Variants in DDAH1 observed in about 807,000 individuals in gnomAD.
The protein encoded by DDAH1 is dimethylarginine dimethylaminohydrolase 1.
A neutral mutation model predicts 28.8 loss-of-function variants in DDAH1; 19 were observed. The observed-to-expected ratio is 0.66, with a 90% CI of 0.46 to 0.97. The LOEUF (loss-of-function observed/expected upper bound fraction) is 0.97. Among genes scored for constraint, DDAH1 ranks in the 50% least tolerant of loss-of-function variants. DDAH1 has a pLI of 0.00. For missense variants in DDAH1, 326 were observed against 375.9 expected (o/e 0.87, Z 1.10); for synonymous variants, 153 against 154.4 (o/e 0.99, Z 0.07).
intron 4 of DDAH1, among the ~76,000 whole-genome samples, chr1:85,346,846 A>C (rs1648878774): frequency 6.6e-6 from 1 of 152,222 alleles, no homozygotes; most frequent in South Asian, 2.1e-4. Flanking sequence ...GAATGGGAGA[A>C]AATTTTTGCA....
At chr1:85,348,880 A>G (rs1649025411) in intron 4 of DDAH1, among the ~76,000 whole-genome samples, 1 of 152,220 alleles carries the variant, frequency 6.6e-6, no homozygotes, top group Non-Finnish European at 1.5e-5. Flanking sequence ...TCTACCCAGA[A>G]TGGCAGAAGG....
At chr1:85,391,837 GC>G (rs2100556042) in intron 1 of DDAH1, among the ~76,000 whole-genome samples, 1 of 152,280 alleles carries the variant, frequency 6.6e-6, no homozygotes, top group African/African-American at 2.4e-5. Flanking sequence ...AAAAGAGACT[GC>G]CCCAAATATT....
Position 85,530,225 on chromosome 1 carries a change from A to C in DDAH1, c.-122-33944T>G, listed in dbSNP as rs555327926. On this transcript the variant is annotated intron_variant, in intron 1 of 6. Transcript: ENST00000426972. Reference sequence around the variant, plus strand: ...GTCCAAAGTATATAGTAAGCGTTCCATAAATATTTGCTCAGTGGAGGTACA... The same window carrying C: ...GTCCAAAGTATATAGTAAGCGTTCCCTAAATATTTGCTCAGTGGAGGTACA... Among the ~76,000 whole-genome samples, 376 of 152,352 alleles carry C rather than the reference A, an allele frequency of 2.5e-3. 1 individual carries two copies. Among genetic ancestry groups the C allele is most frequent in the African/African-American group, 8.5e-3 (355 of 41,582 alleles).
chr1:85,475,241 A>G (rs1473617301), intron 2 of DDAH1, among the ~76,000 whole-genome samples: 1 of 152,230 alleles, frequency 6.6e-6, no homozygotes, highest in African/African-American at 2.4e-5. Context: ...ATGAAGATTA[A>G]TGAGATGATC....
chr1:85,464,970 C>T lies in DDAH1; in HGVS notation c.76G>A (p.Gly26Ser). ...TTGGCGCTTCTCAGCGCGTGCTGGC[C>T]GAGCGACTCGGGTAGCGCCCGCACC... Reference protein sequence around the residue: ...AVVRALPESLGQHALRSAKGE... With the variant: ...AVVRALPESLSQHALRSAKGE... The change falls in exon 1 of 6, where the codon GGC becomes AGC. Residue 26 changes from glycine (G) to serine (S), a missense_variant. Coordinates refer to ENST00000284031, the MANE Select transcript of DDAH1 (RefSeq NM_012137.4). The surrounding 1 kb of genome is among the most constrained non-coding windows in gnomAD (Gnocchi z 4.4). 1.4e-6 allele frequency: 2 copies of T among 1,473,082 alleles called. No homozygotes were observed. The allele number at this position is 1,473,082 out of a possible 1,614,324, so 91.3% of individuals were successfully genotyped here. A position where few individuals can be genotyped will look rare whatever the true frequency, so the allele number is the denominator to read the frequency against.
intron 4 of DDAH1, among the ~76,000 whole-genome samples, chr1:85,347,347 C>A (rs1648917660): frequency 6.6e-6 from 1 of 152,170 alleles, no homozygotes; most frequent in African/African-American, 2.4e-5. Context: ...TTCACAATAG[C>A]AAAGACTTGG....
chr1:85,334,376 A>G (rs1647979545), intron 4 of DDAH1, among the ~76,000 whole-genome samples: 2 of 152,196 alleles, frequency 1.3e-5, no homozygotes, highest in South Asian at 4.1e-4. Flanking sequence ...ATACAGTGTA[A>G]AAAGTCAAAG....
intron 2 of DDAH1, among the ~76,000 whole-genome samples, chr1:85,356,856 T>C (rs1485743842): frequency 1.3e-5 from 2 of 152,194 alleles, no homozygotes; most frequent in Admixed American, 6.5e-5. Context: ...CTAGTGTAAG[T>C]TGCACTTTCA....
At chr1:85,373,824 G>A (rs233053) in intron 1 of DDAH1, among the ~76,000 whole-genome samples, 56,739 of 151,800 alleles carry the variant, frequency 0.37, 10,672 homozygotes, top group South Asian at 0.43. Flanking sequence ...CAAAAAACTA[G>A]GATTGCAACT....
intron 1 of DDAH1, among the ~76,000 whole-genome samples, chr1:85,403,115 A>G (rs1357635): frequency 0.82 from 123,756 of 151,408 alleles, 50,741 homozygotes; most frequent in Middle Eastern, 0.9. Flanking sequence ...CTGGTGAGTA[A>G]CAATCACAAG....
intron 2 of DDAH1, among the ~76,000 whole-genome samples, chr1:85,356,549 G>A (rs1471850497): frequency 6.6e-6 from 1 of 152,170 alleles, no homozygotes; most frequent in African/African-American, 2.4e-5. Flanking sequence ...AATGTTATGT[G>A]TGTTTAACCG....
chr1:85,523,251 C>T (rs555078289), intron 1 of DDAH1, among the ~76,000 whole-genome samples: 16 of 152,210 alleles, frequency 1.1e-4, no homozygotes, highest in Admixed American at 2.0e-4. Context: ...GGCAAGGGGA[C>T]GCCTACTGAT....
chr1:85,381,542 C>A (rs984625232), intron 1 of DDAH1, among the ~76,000 whole-genome samples: 1 of 150,954 alleles, frequency 6.6e-6, no homozygotes, highest in Non-Finnish European at 1.5e-5. Flanking sequence ...CATTCTTATG[C>A]CTTTACGCCT....
chr1:85,439,166 C>T lies in DDAH1; in HGVS notation c.303+25577G>A, dbSNP rs891568304. ...CAGTTTTACTATCTTTGCATTCTGC[C>T]ATTAATTAGCAGGGGTGGAATATGA... On this transcript the variant is annotated intron_variant, in intron 1 of 5. Transcript: ENST00000284031. Among the ~76,000 whole-genome samples the T allele has an allele frequency of 2.5e-3, 7 of 2,846 alleles. No homozygotes were observed. In the Non-Finnish European group the frequency reaches 0.081, roughly 33 times the overall value. 1.9% of individuals were successfully genotyped at this position (2,846 alleles called of 152,430 possible).
At chr1:85,390,318 A>G (rs1651484471) in intron 1 of DDAH1, among the ~76,000 whole-genome samples, 1 of 152,220 alleles carries the variant, frequency 6.6e-6, no homozygotes, top group African/African-American at 2.4e-5. Flanking sequence ...CCTGATCTGC[A>G]ATTAGAGTGA....
At chr1:85,331,590 T>A (rs147108228) in intron 4 of DDAH1, among the ~76,000 whole-genome samples, 63 of 152,136 alleles carry the variant, frequency 4.1e-4, no homozygotes, top group African/African-American at 1.4e-3. Flanking sequence ...CCATCAAGAG[T>A]GTATTGAGAG....
chr1:85,545,930 T>C (rs1186304088), intron 1 of DDAH1, among the ~76,000 whole-genome samples: 4 of 152,130 alleles, frequency 2.6e-5, no homozygotes, highest in African/African-American at 9.7e-5. Flanking sequence ...CAAATGACTA[T>C]GTGACTTTGG....
intron 3 of DDAH1, among the ~76,000 whole-genome samples, chr1:85,350,768 T>A (rs1452849582): frequency 6.6e-6 from 1 of 152,152 alleles, no homozygotes; most frequent in Non-Finnish European, 1.5e-5. Context: ...GGCTGTTTGA[T>A]CTATGGAGTG....
At chr1:85,406,976 T>C (rs943680632) in intron 1 of DDAH1, among the ~76,000 whole-genome samples, 41 of 152,108 alleles carry the variant, frequency 2.7e-4, no homozygotes, top group African/African-American at 9.2e-4. Context: ...ATTTGAAATA[T>C]ATAAGAAGAA....
Sources: gnomAD v4.1 joint callset for allele counts (sites outside exome capture counted in the v4.1 genomes callset) on GRCh38, gnomAD v4.1.1 for gene constraint, Gnocchi (gnomAD v3.1) non-coding constraint, MANE v1.5 for transcripts, NCBI Gene and HGNC (gene_info 2026-07-23, HGNC 2026-07-21) for gene names.